The following TRAK1 variants were observed in gnomAD, a reference collection of about 807,000 sequenced individuals.
The protein encoded by TRAK1 is trafficking kinesin-binding protein 1.
In TRAK1, 33 loss-of-function variants were observed where a neutral mutation model predicts 92.1. The ratio of observed to expected loss-of-function variants is 0.36; its 90% confidence interval spans 0.27 to 0.48. The LOEUF (loss-of-function observed/expected upper bound fraction) is 0.48. Ranked by LOEUF, TRAK1 falls within the 20% of genes least tolerant of loss-of-function variation. The pLI is 0.99. For synonymous variants in TRAK1, 521 were observed against 517.3 expected, an observed-to-expected ratio of 1.01 and a Z score of -0.10; for missense variants, 1,123 against 1,257.9, an observed-to-expected ratio of 0.89 and a Z score of 1.62.
At position 42,130,196 on chromosome 3, in the gene TRAK1, C is replaced by T. The variant is rs1055814494; in HGVS notation, c.286+4582C>T. 4.6e-5 allele frequency among the ~76,000 whole-genome samples: 7 copies of T among 151,924 alleles called. No homozygotes were observed. The South Asian group carries it at 6.2e-4, about 13-fold the overall frequency. On this transcript the variant is annotated intron_variant, in intron 2 of 15. Coordinates refer to ENST00000327628, the MANE Select transcript of TRAK1 (RefSeq NM_001042646.3). ...TATAGACTTTTGTAGTCACATAACA[C>T]GCAGCAGACAGCAGACATGAAAGCT...
At chr3:42,149,299 C>T in intron 2 of TRAK1, 2 of 1,406,240 alleles carry the variant, frequency 1.4e-6, no homozygotes, top group Middle Eastern at 2.6e-4. Flanking sequence ...TAGCTCTCTG[C>T]AAATTGCCTT....
chr3:42,196,329 A>G (rs529030052), intron 10 of TRAK1, among the ~76,000 whole-genome samples: 38 of 152,286 alleles, frequency 2.5e-4, no homozygotes, highest in Admixed American at 1.7e-3. Flanking sequence ...TTGCACAACT[A>G]TGTTCCCAAT....
chr3:42,210,905 G>C (rs761744451), intron 14 of TRAK1: 7 of 985,188 alleles, frequency 7.1e-6, no homozygotes, highest in Non-Finnish European at 8.4e-6. Context: ...CCACATTCCA[G>C]TTGCCACTGG....
At chr3:42,107,521 A>G (rs1707752889) in intron 1 of TRAK1, among the ~76,000 whole-genome samples, 1 of 151,948 alleles carries the variant, frequency 6.6e-6, no homozygotes, top group Non-Finnish European at 1.5e-5. Context: ...AAAAAAGAAA[A>G]AAAAAAAAAA....
intron 2 of TRAK1, chr3:42,160,512 G>A (rs1478978368): frequency 6.3e-7 from 1 of 1,584,812 alleles, no homozygotes; most frequent in South Asian, 1.1e-5. Context: ...TCCTTTCCTT[G>A]TTAGTATCTA....
At chr3:42,117,114 C>T (rs527332175) in intron 1 of TRAK1, among the ~76,000 whole-genome samples, 17 of 152,144 alleles carry the variant, frequency 1.1e-4, no homozygotes, top group Admixed American at 5.2e-4. Context: ...GTGGCGGCTG[C>T]CCCCCAGACA....
intron 1 of TRAK1, among the ~76,000 whole-genome samples, chr3:42,096,570 A>G (rs1705952479): frequency 6.6e-6 from 1 of 152,232 alleles, no homozygotes; most frequent in Non-Finnish European, 1.5e-5. Flanking sequence ...ATAATTTTAA[A>G]AGAATCAGTA....
chr3:42,223,244 C>G lies in TRAK1; in HGVS notation c.2369C>G (p.Pro790Arg). 6.2e-7 allele frequency: 1 copy of G among 1,614,210 alleles called. No individual in the cohort carries two copies. Among genetic ancestry groups the G allele is most frequent in the Non-Finnish European group, 8.5e-7 (1 of 1,180,038 alleles). Residue 790 changes from proline to arginine, a missense_variant, in exon 16 of 16, where the codon CCC becomes CGC. Pro to Arg is a moderately radical substitution (Grantham distance 103). Coordinates refer to ENST00000327628, the MANE Select transcript of TRAK1 (RefSeq NM_001042646.3). The surrounding 1 kb of genome is among the most constrained non-coding windows in gnomAD (Gnocchi z 6.1). ...STPPNSPMQT[P>R]TSSPPSFEFK... ...CCGCCGAACTCGCCTATGCAGACAC[C>G]CACATCCTCCCCACCCTCCTTTGAG...
chr3:42,208,294 T>A (rs1708564276), intron 13 of TRAK1, among the ~76,000 whole-genome samples: 1 of 152,212 alleles, frequency 6.6e-6, no homozygotes, highest in Non-Finnish European at 1.5e-5. Flanking sequence ...TCTTTAAACA[T>A]GTATTGGCAG....
At position 42,188,156 on chromosome 3, in the gene TRAK1, A is replaced by C. The variant is rs1705169500; in HGVS notation, c.581+11A>C. The C allele has an allele frequency of 6.2e-7, 1 of 1,613,836 alleles. No individual in the cohort carries two copies. The highest frequency in any genetic ancestry group is 8.5e-7 in the Non-Finnish European group (1 of 1,179,762). On this transcript the variant is annotated intron_variant, in intron 5 of 15. Transcript: ENST00000327628. ...CGTTTGCTCAACCCCGTAAGTCACC[A>C]GAGGGCTGTATTTCTGGAGGCCAGA... is the stretch of plus-strand genomic sequence containing the variant.
At chr3:42,060,625 C>CTTTTTTTTTTT (rs1299725245) in intron 1 of TRAK1, among the ~76,000 whole-genome samples, 1 of 123,298 alleles carries the variant, frequency 8.1e-6, no homozygotes, top group African/African-American at 3.2e-5. Context: ...TTTTTGGCTG[C>CTTTTTTTTTTT]TTTTTTTTTT....
chr3:42,219,559 C>T lies in TRAK1; in HGVS notation c.2029C>T (p.Leu677=). The change falls in exon 15 of 16, where the codon CTG becomes TTG. Residue 677 remains leucine, a synonymous_variant. Coordinates refer to ENST00000327628, the MANE Select transcript of TRAK1 (RefSeq NM_001042646.3). ...STFTFTTCRI[L]HPSDELTRVT... is the part of the protein sequence containing the mutation. The stretch of plus-strand genomic sequence containing the variant: ...CTTCACCTTCACCACCTGTCGCATC[C>T]TGCATCCTTCAGATGAGCTCACTCG... The T allele has an allele frequency of 6.2e-7, 1 of 1,610,152 alleles. No homozygotes were observed. Among genetic ancestry groups the T allele is most frequent in the Non-Finnish European group, 8.5e-7 (1 of 1,177,696 alleles).
intron 11 of TRAK1, 36 bp from the exon 12 acceptor site, chr3:42,200,782 A>T (rs1272195211): frequency 6.2e-7 from 1 of 1,608,712 alleles, no homozygotes; most frequent in African/African-American, 1.3e-5. Context: ...TTGTGCCCGC[A>T]TTTGCTCACT....
chr3:42,082,647 A>G (rs950320321), upstream of TRAK1, among the ~76,000 whole-genome samples: 4 of 151,198 alleles, frequency 2.6e-5, no homozygotes, highest in Admixed American at 1.3e-4. Flanking sequence ...TACATATTAG[A>G]GCCTTTGTTA....
rs549542234 is a variant in TRAK1 at position 42,178,319 on chromosome 3, C to T, written c.363+1429C>T. Among the ~76,000 whole-genome samples, 15 of 152,280 alleles carry T rather than the reference C, an allele frequency of 9.9e-5. 1 individual carries two copies. In the South Asian group the frequency reaches 1.2e-3, roughly 13 times the overall value. ...CGCTCACCCTTTCTGTAAAGCTCCT[C>T]GCTGTGTAGTCAAGGCCACCCATTG... On this transcript the variant is annotated intron_variant, in intron 3 of 15. Coordinates refer to ENST00000327628, the MANE Select transcript of TRAK1 (RefSeq NM_001042646.3).
chr3:42,193,246 A>C, intron 8 of TRAK1, 41 bp downstream of exon 8: 4 of 1,608,422 alleles, frequency 2.5e-6, no homozygotes, highest in Non-Finnish European at 3.4e-6. Context: ...AACAATGGCC[A>C]TGCTGAGACG....
intron 2 of TRAK1, among the ~76,000 whole-genome samples, chr3:42,148,335 A>G (rs78283744): frequency 0.04 from 6,066 of 152,278 alleles, 425 homozygotes; most frequent in African/African-American, 0.14. Flanking sequence ...TCAAATGTCA[A>G]TAGTGCTGAG....
chr3:42,118,747 A>G (rs1559791686), intron 1 of TRAK1, among the ~76,000 whole-genome samples: 1 of 152,162 alleles, frequency 6.6e-6, no homozygotes. Context: ...CTTGGGAAAA[A>G]CCTAGGAAGG....
intron 1 of TRAK1, among the ~76,000 whole-genome samples, chr3:42,020,463 G>A (rs1329638503): frequency 6.6e-6 from 1 of 152,146 alleles, no homozygotes; most frequent in Non-Finnish European, 1.5e-5. Context: ...TCATCCATTT[G>A]TTGCATGTAC....
Sources: allele counts gnomAD v4.1 joint callset (sites outside exome capture counted in the v4.1 genomes callset), GRCh38; gene constraint gnomAD v4.1.1; non-coding constraint Gnocchi (gnomAD v3.1); transcripts MANE v1.5; gene names NCBI Gene and HGNC (gene_info 2026-07-23, HGNC 2026-07-21).